The following CTNND2 variants were observed in gnomAD, a reference collection of about 807,000 sequenced individuals.
CTNND2 encodes catenin delta 2.
A neutral mutation model predicts 144.4 loss-of-function variants in CTNND2; 22 were observed. That is an observed-to-expected ratio of 0.15 (90% CI 0.11 to 0.22). The LOEUF is 0.22. Ranked by LOEUF, CTNND2 falls within the 10% of genes least tolerant of loss-of-function variation. The pLI, the probability that CTNND2 is intolerant of heterozygous loss-of-function variation, is 1.00. For missense variants in CTNND2, 1,353 were observed against 1,618.8 expected (o/e 0.84, Z 2.82); for synonymous variants, 751 against 695.6 (o/e 1.08, Z -1.25).
intron 10 of CTNND2, among the ~76,000 whole-genome samples, chr5:11,211,658 C>T (rs1201392100): frequency 2.0e-5 from 3 of 152,180 alleles, no homozygotes; most frequent in African/African-American, 7.2e-5. Context: ...AAAGACACAG[C>T]CCTTCATTTA....
At chr5:11,018,465 C>T (rs852628) in intron 17 of CTNND2, among the ~76,000 whole-genome samples, 12 of 152,260 alleles carry the variant, frequency 7.9e-5, no homozygotes, top group East Asian at 7.7e-4. Context: ...GAGGAAGGCA[C>T]GCCACAACCC....
At chr5:11,497,514 G>GGGGT (rs1770075679) in intron 3 of CTNND2, among the ~76,000 whole-genome samples, 1 of 86,560 alleles carries the variant, frequency 1.2e-5, no homozygotes, top group Non-Finnish European at 2.4e-5. Flanking sequence ...TGATGTGCGG[G>GGGGT]GGGGTGGGGG....
Position 11,328,439 on chromosome 5 carries a change from G to C in CTNND2, c.1628+17933C>G, listed in dbSNP as rs1450984608. On this transcript the variant is annotated intron_variant, in intron 9 of 21. Coordinates refer to ENST00000304623, the MANE Select transcript of CTNND2 (RefSeq NM_001332.4). ...CTCTGGAGTAGCTGGGACTACAGGT[G>C]CTTGTCACCAGACCTTTTTTTTTGT... Among the ~76,000 whole-genome samples the C allele has an allele frequency of 7.9e-5, 12 of 151,918 alleles. 1 individual carries two copies. Among genetic ancestry groups the C allele is most frequent in the Admixed American group, 7.9e-4 (12 of 15,260 alleles).
At chr5:11,156,998 T>C (rs1030717267) in intron 12 of CTNND2, among the ~76,000 whole-genome samples, 5 of 152,194 alleles carry the variant, frequency 3.3e-5, no homozygotes, top group African/African-American at 1.2e-4. Context: ...AGCAGTCTCC[T>C]ATCCCATAAC....
At chr5:11,225,563 CTGTTTCT>C (rs1284732693) in intron 10 of CTNND2, among the ~76,000 whole-genome samples, 3 of 152,182 alleles carry the variant, frequency 2.0e-5, no homozygotes, top group African/African-American at 7.2e-5. Flanking sequence ...TGGTGAAGCA[CTGTTTCT>C]TAAGATGTAT....
rs1755577867 is a variant in CTNND2 at position 11,131,396 on chromosome 5, A to G, written c.2160-13829T>C. Among the ~76,000 whole-genome samples, 4 of 152,206 alleles carry G rather than the reference A, an allele frequency of 2.6e-5. No homozygotes were observed. The South Asian group carries it at 8.3e-4, about 31-fold the overall frequency. On this transcript the variant is annotated intron_variant, in intron 12 of 21. Coordinates refer to ENST00000304623, the MANE Select transcript of CTNND2 (RefSeq NM_001332.4). ...AACAGAACTTGACTAATAAGGGTTT[A>G]TAGATTATTGGCTACCTGGCTTTTA...
intron 9 of CTNND2, among the ~76,000 whole-genome samples, chr5:11,334,148 A>G (rs1753492632): frequency 6.6e-6 from 1 of 152,242 alleles, no homozygotes; most frequent in Admixed American, 6.5e-5. Flanking sequence ...TAGGTAAGGT[A>G]AAGAAGATAA....
chr5:11,887,456 C>G lies in CTNND2; in HGVS notation c.37+16361G>C, dbSNP rs1736640100. 2.0e-5 allele frequency among the ~76,000 whole-genome samples: 3 copies of G among 151,230 alleles called. No homozygotes were observed. The South Asian group carries it at 6.3e-4, about 32-fold the overall frequency. ...GGACATAGTCTAACCCCACTAAAAT[C>G]AAACAAAAACATCGTTCCCTTTACA... On this transcript the variant is annotated intron_variant, in intron 1 of 21. Coordinates refer to ENST00000304623, the MANE Select transcript of CTNND2 (RefSeq NM_001332.4).
chr5:11,508,419 G>A (rs576923720), intron 3 of CTNND2: 1 of 152,282 alleles, frequency 6.6e-6, no homozygotes, highest in African/African-American at 2.4e-5. Context: ...AGGTAGGGAG[G>A]TGAAGTGTTT....
chr5:11,174,484 T>C (rs1257886199), intron 11 of CTNND2, among the ~76,000 whole-genome samples: 1 of 152,194 alleles, frequency 6.6e-6, no homozygotes, highest in Non-Finnish European at 1.5e-5. Context: ...TGAATGTCAG[T>C]GGAAACCTTC....
intron 21 of CTNND2, 61 bp downstream of exon 21, chr5:10,981,712 C>T (rs374159285): frequency 4.8e-6 from 7 of 1,455,644 alleles, no homozygotes; most frequent in Admixed American, 1.8e-5. Context: ...GTTTAAAATT[C>T]CAGGTTATTT....
At chr5:11,778,082 T>C (rs2065210455) in intron 1 of CTNND2, among the ~76,000 whole-genome samples, 1 of 152,078 alleles carries the variant, frequency 6.6e-6, no homozygotes, top group African/African-American at 2.4e-5. Context: ...TGACTGAGAC[T>C]GGAAATCTCA....
At chr5:11,299,733 T>G (rs1479895524) in intron 9 of CTNND2, among the ~76,000 whole-genome samples, 1 of 152,170 alleles carries the variant, frequency 6.6e-6, no homozygotes, top group Non-Finnish European at 1.5e-5. Flanking sequence ...AGGCTAAGGA[T>G]GCTGAGAACA....
chr5:11,600,251 T>C (rs555696749), intron 2 of CTNND2, among the ~76,000 whole-genome samples: 25 of 152,274 alleles, frequency 1.6e-4, no homozygotes, highest in African/African-American at 6.0e-4. Flanking sequence ...AAACATTTGC[T>C]GACACCTAAA....
chr5:11,272,696 C>T (rs1561130565), intron 9 of CTNND2, among the ~76,000 whole-genome samples: 3 of 152,124 alleles, frequency 2.0e-5, no homozygotes, highest in South Asian at 2.1e-4. Flanking sequence ...TACAACTATG[C>T]CATAAAAATA....
At chr5:11,442,064 A>C (rs907886145) in intron 3 of CTNND2, among the ~76,000 whole-genome samples, 9 of 152,202 alleles carry the variant, frequency 5.9e-5, no homozygotes, top group Non-Finnish European at 1.5e-5. Context: ...AACGAAATAC[A>C]TATTTATAGA....
intron 1 of CTNND2, among the ~76,000 whole-genome samples, chr5:11,742,236 G>A (rs1479683829): frequency 6.6e-6 from 1 of 152,118 alleles, no homozygotes; most frequent in African/African-American, 2.4e-5. Flanking sequence ...AACATTGCTT[G>A]TCAAATCTTG....
intron 1 of CTNND2, among the ~76,000 whole-genome samples, chr5:11,829,694 C>A (rs1054637830): frequency 6.6e-6 from 1 of 152,190 alleles, no homozygotes; most frequent in Non-Finnish European, 1.5e-5. Context: ...TCTACTCGGG[C>A]AGTGCAGAAG....
At chr5:11,567,358 C>T (rs1456972080) in intron 2 of CTNND2, among the ~76,000 whole-genome samples, 3 of 152,042 alleles carry the variant, frequency 2.0e-5, no homozygotes, top group Admixed American at 2.0e-4. Context: ...CTGGGTTATT[C>T]AGCTTGGATA....
Sources: allele counts gnomAD v4.1 joint callset (sites outside exome capture counted in the v4.1 genomes callset), GRCh38; gene constraint gnomAD v4.1.1; transcripts MANE v1.5; gene names NCBI Gene and HGNC (gene_info 2026-07-23, HGNC 2026-07-21).